Variants in VAV3 observed in about 807,000 individuals in gnomAD.
The protein encoded by VAV3 is vav guanine nucleotide exchange factor 3, also known as guanine nucleotide exchange factor VAV3.
In VAV3, 94 loss-of-function variants were observed where a neutral mutation model predicts 131.2. The ratio of observed to expected loss-of-function variants is 0.72; its 90% CI spans 0.61 to 0.85. The LOEUF (loss-of-function observed/expected upper bound fraction) is 0.85, where lower values mean the gene tolerates loss of function less well. Among genes scored for constraint, VAV3 ranks in the 40% least tolerant of loss-of-function variants. VAV3 has a pLI of 0.00. For synonymous variants in VAV3, 349 were observed against 342.0 expected (o/e 1.02, Z -0.22); for missense variants, 939 against 1,002.7 (o/e 0.94, Z 0.86).
intron 1 of VAV3, among the ~76,000 whole-genome samples, chr1:107,899,415 G>A (rs1247870871): frequency 1.3e-5 from 2 of 152,080 alleles, no homozygotes; most frequent in African/African-American, 2.4e-5. Flanking sequence ...CATGTTCAAC[G>A]ACCTTACAGC....
chr1:107,802,149 A>G (rs1294776661), intron 2 of VAV3, among the ~76,000 whole-genome samples: 7 of 152,046 alleles, frequency 4.6e-5, no homozygotes, highest in African/African-American at 1.7e-4. Context: ...TTTCTTTTTC[A>G]GATTGTTCAC....
At chr1:107,703,592 T>C (rs1361063075) in intron 17 of VAV3, among the ~76,000 whole-genome samples, 1 of 152,208 alleles carries the variant, frequency 6.6e-6, no homozygotes, top group African/African-American at 2.4e-5. Context: ...ATCTCAGTCG[T>C]CTAATAGGAT....
chr1:107,800,797 C>A (rs1235325162), intron 2 of VAV3, among the ~76,000 whole-genome samples: 1 of 152,004 alleles, frequency 6.6e-6, no homozygotes, highest in East Asian at 1.9e-4. Flanking sequence ...TGATTGTTAT[C>A]TTTGCTGTGT....
At chr1:107,801,061 T>C (rs1258646819) in intron 2 of VAV3, among the ~76,000 whole-genome samples, 3 of 152,140 alleles carry the variant, frequency 2.0e-5, no homozygotes, top group Non-Finnish European at 4.4e-5. Flanking sequence ...CAGTACTACT[T>C]ATTAAAGAAA....
chr1:107,659,667 A>C lies in VAV3; in HGVS notation c.1778-16912T>G, dbSNP rs181734555. On this transcript the variant is annotated intron_variant, in intron 19 of 26. Transcript: ENST00000370056. ...TCCCGATTTAGTCATATTTTTTAGG[A>C]AATGCCTACTGAGCTTCTACTATAC... Among the ~76,000 whole-genome samples the C allele has an allele frequency of 3.9e-5, 6 of 152,306 alleles. No homozygotes were observed. The East Asian group carries it at 1.2e-3, about 29-fold the overall frequency.
chr1:107,775,262 T>C (rs1271657305), intron 4 of VAV3, among the ~76,000 whole-genome samples: 3 of 151,710 alleles, frequency 2.0e-5, no homozygotes, highest in Admixed American at 6.6e-5. Context: ...AATTTATAGG[T>C]GTAAGTCACC....
At chr1:107,869,128 T>TA (rs1670135780) in intron 2 of VAV3, among the ~76,000 whole-genome samples, 1 of 152,128 alleles carries the variant, frequency 6.6e-6, no homozygotes, top group Non-Finnish European at 1.5e-5. Context: ...ACTGAGTGAC[T>TA]AACCCCATTC....
At chr1:107,953,159 C>T (rs2101353876) in intron 1 of VAV3, among the ~76,000 whole-genome samples, 1 of 152,264 alleles carries the variant, frequency 6.6e-6, no homozygotes, top group African/African-American at 2.4e-5. Context: ...GGACTCAAGT[C>T]CTGTCTTCAC....
intron 15 of VAV3, among the ~76,000 whole-genome samples, chr1:107,716,918 C>T (rs1232982384): frequency 6.6e-6 from 1 of 152,132 alleles, no homozygotes; most frequent in Admixed American, 6.5e-5. Flanking sequence ...ATTTCACAGC[C>T]TGTTATTGGT....
chr1:107,649,555 C>T (rs749812140), intron 19 of VAV3, among the ~76,000 whole-genome samples: 41 of 152,000 alleles, frequency 2.7e-4, no homozygotes, highest in African/African-American at 8.2e-4. Context: ...GAGATGATCC[C>T]CTTGGCTTTT....
chr1:107,868,736 C>T (rs1162638339), intron 2 of VAV3, among the ~76,000 whole-genome samples: 1 of 152,084 alleles, frequency 6.6e-6, no homozygotes, highest in Non-Finnish European at 1.5e-5. Context: ...CTCCAAATTG[C>T]TTGGAACTTC....
At chr1:107,854,211 G>A (rs1040467035) in intron 2 of VAV3, among the ~76,000 whole-genome samples, 5 of 152,156 alleles carry the variant, frequency 3.3e-5, no homozygotes, top group Admixed American at 2.6e-4. Flanking sequence ...TCTGGAGGAT[G>A]GGACATGAGA....
At chr1:107,908,989 T>C (rs375860495) in intron 1 of VAV3, among the ~76,000 whole-genome samples, 2 of 152,128 alleles carry the variant, frequency 1.3e-5, no homozygotes, top group Non-Finnish European at 2.9e-5. Flanking sequence ...AATTATTCCA[T>C]TAAATTATAT....
intron 15 of VAV3, among the ~76,000 whole-genome samples, chr1:107,709,964 C>T (rs943391632): frequency 3.3e-5 from 5 of 152,128 alleles, no homozygotes; most frequent in African/African-American, 1.2e-4. Flanking sequence ...TATAATCGTA[C>T]TCATACATAT....
intron 1 of VAV3, among the ~76,000 whole-genome samples, chr1:107,876,073 A>G (rs1441499019): frequency 6.6e-6 from 1 of 152,160 alleles, no homozygotes; most frequent in African/African-American, 2.4e-5. Flanking sequence ...GGAGCTCACA[A>G]AGGAGTCTTA....
chr1:107,882,176 T>A (rs1241122612), intron 1 of VAV3, among the ~76,000 whole-genome samples: 2 of 152,128 alleles, frequency 1.3e-5, no homozygotes, highest in East Asian at 1.9e-4. Flanking sequence ...GAAATGACAT[T>A]TCATGAGAAG....
intron 2 of VAV3, among the ~76,000 whole-genome samples, chr1:107,797,127 G>T (rs543498100): frequency 5.5e-4 from 84 of 152,152 alleles, no homozygotes; most frequent in African/African-American, 1.9e-3. Context: ...GGAATTCTAC[G>T]TGAACCTGTG....
rs139538937 is a variant in VAV3, at chr1:107,820,522, T to G, written c.322-41030A>C. On this transcript the variant is annotated intron_variant, in intron 2 of 26. Transcript: ENST00000370056. ...TAATAGTTACAAAAATAGAGTTAGA[T>G]AGAATGAATAAGATCTAGTATTTGA... is the stretch of plus-strand genomic sequence containing the variant. Among the ~76,000 whole-genome samples the G allele has an allele frequency of 2.6e-5, 4 of 152,134 alleles. No homozygotes were observed. In the East Asian group the frequency reaches 7.7e-4, roughly 29 times the overall value.
chr1:107,762,373 G>A (rs942127454), intron 9 of VAV3, among the ~76,000 whole-genome samples: 11 of 152,168 alleles, frequency 7.2e-5, no homozygotes, highest in Non-Finnish European at 1.3e-4. Context: ...GACTTAATGA[G>A]TATGTCTGTC....
Sources: gnomAD v4.1 joint callset for allele counts (sites outside exome capture counted in the v4.1 genomes callset) on GRCh38, gnomAD v4.1.1 for gene constraint, MANE v1.5 for transcripts, NCBI Gene and HGNC (gene_info 2026-07-23, HGNC 2026-07-21) for gene names.